TBC1D9: variants seen among roughly 807,000 people sequenced by gnomAD.
The protein encoded by TBC1D9 is TBC1 domain family member 9, also known as TBC1 domain family member 9A.
Under a neutral mutation model 132.0 loss-of-function variants are expected in TBC1D9, and 63 were observed. The observed-to-expected ratio is 0.48, with a 90% CI of 0.39 to 0.59. TBC1D9 has a LOEUF of 0.59. Ranked by LOEUF, TBC1D9 falls within the 20% of genes least tolerant of loss-of-function variation. TBC1D9 has a pLI of 0.00. For missense variants in TBC1D9, 1,261 were observed against 1,592.7 expected (o/e 0.79, Z 3.54); for synonymous variants, 610 against 609.9 (o/e 1.00, Z 0.00).
At chr4:140,720,574 C>CCAGT (rs1339266162) in intron 1 of TBC1D9, among the ~76,000 whole-genome samples, 19 of 152,214 alleles carry the variant, frequency 1.2e-4, no homozygotes, top group African/African-American at 4.3e-4. Context: ...ACTGTCCAAG[C>CCAGT]CAGTCTATTC....
In TBC1D9 at chr4:140,650,193, A is replaced by C. The variant is rs974345363; in HGVS notation, c.2337+6904T>G. ...CAGTATCACTATATTTTTACCTAGA[A>C]TTTATTTTGAAAGTTGCTGTAAAGC... On this transcript the variant is annotated intron_variant, in intron 13 of 20. Coordinates refer to ENST00000442267, the MANE Select transcript of TBC1D9 (RefSeq NM_015130.3). 2.0e-5 allele frequency among the ~76,000 whole-genome samples: 3 copies of C among 152,398 alleles called. No homozygotes were observed. In the South Asian group the frequency reaches 6.2e-4, roughly 32 times the overall value.
intron 20 of TBC1D9, 134 bp downstream of exon 20, chr4:140,623,982 C>T: frequency 1.4e-6 from 1 of 699,992 alleles, no homozygotes; most frequent in Non-Finnish European, 2.3e-6. Context: ...CAAAATAGGT[C>T]CAAATGGATA....
intron 10 of TBC1D9, among the ~76,000 whole-genome samples, 177 bp from the exon 11 acceptor site, chr4:140,659,882 G>C (rs1737330358): frequency 6.6e-6 from 1 of 152,164 alleles, no homozygotes; most frequent in African/African-American, 2.4e-5. Context: ...ATATTCTTCT[G>C]AGTTTTGTTT....
At chr4:140,728,617 G>A (rs1201374829) in intron 1 of TBC1D9, among the ~76,000 whole-genome samples, 2 of 151,080 alleles carry the variant, frequency 1.3e-5, no homozygotes, top group African/African-American at 2.4e-5. Context: ...CCTCAGCCTC[G>A]CGAGTAGCTG....
chr4:140,664,776 A>G (rs796471402), intron 9 of TBC1D9, among the ~76,000 whole-genome samples: 23 of 152,296 alleles, frequency 1.5e-4, no homozygotes, highest in African/African-American at 4.8e-4. Flanking sequence ...TACGGAAAAG[A>G]ATGAATTAGA....
At chr4:140,738,309 C>T (rs1738707441) in intron 1 of TBC1D9, among the ~76,000 whole-genome samples, 1 of 152,164 alleles carries the variant, frequency 6.6e-6, no homozygotes, top group Non-Finnish European at 1.5e-5. Flanking sequence ...CTTACTTTAT[C>T]TTATGTAAAA....
At chr4:140,753,795 C>T (rs1427923319) in intron 1 of TBC1D9, among the ~76,000 whole-genome samples, 1 of 152,110 alleles carries the variant, frequency 6.6e-6, no homozygotes, top group Non-Finnish European at 1.5e-5. Flanking sequence ...AAGTTGCCAA[C>T]AAATATTTGT....
intron 1 of TBC1D9, among the ~76,000 whole-genome samples, chr4:140,728,963 C>A (rs1214845158): frequency 2.6e-5 from 4 of 152,196 alleles, no homozygotes; most frequent in Non-Finnish European, 5.9e-5. Context: ...TGGACCAGGT[C>A]GAAATCTACT....
chr4:140,661,115 C>T (rs904194750), intron 10 of TBC1D9, among the ~76,000 whole-genome samples: 18 of 152,076 alleles, frequency 1.2e-4, no homozygotes, highest in Admixed American at 2.6e-4. Flanking sequence ...GGTGTTTCAC[C>T]GTGTTAGCCA....
chr4:140,668,929 G>A lies in TBC1D9; in HGVS notation c.1576C>T (p.Leu526=), dbSNP rs745965221. The A allele has an allele frequency of 6.2e-7, 1 of 1,613,856 alleles. No homozygotes were observed. The highest frequency in any genetic ancestry group is 2.2e-5 in the East Asian group (1 of 44,878). Residue 526 remains leucine (L), a synonymous_variant, in exon 9 of 21, where the codon CTG becomes TTG. Coordinates refer to ENST00000442267, the MANE Select transcript of TBC1D9 (RefSeq NM_015130.3). ...IPESMRGELW[L]LLSGAINEKA... ...CCAGCGGCCGTACCTGACAGCAGCA[G>A]CCAGAGCTCCCCACGCATGCTCTCC... is the stretch of plus-strand genomic sequence containing the variant.
intron 16 of TBC1D9, among the ~76,000 whole-genome samples, chr4:140,631,587 AT>A (rs958795265): frequency 2.2e-5 from 3 of 133,962 alleles, no homozygotes; most frequent in Non-Finnish European, 4.7e-5. Flanking sequence ...TTCAGAATTC[AT>A]TTTTTAGTTT....
At chr4:140,632,259 A>C (rs1445854066) in intron 16 of TBC1D9, among the ~76,000 whole-genome samples, 1 of 66,294 alleles carries the variant, frequency 1.5e-5, no homozygotes. Context: ...TTTTTGCCCA[A>C]AGGTTTTTTT....
chr4:140,743,015 G>A (rs1224656219), intron 1 of TBC1D9, among the ~76,000 whole-genome samples: 3 of 151,766 alleles, frequency 2.0e-5, no homozygotes, highest in Non-Finnish European at 2.9e-5. Flanking sequence ...GAGAAAGGAA[G>A]GGATGGAGGG....
chr4:140,631,155 ACTCT>A (rs1417451282), intron 16 of TBC1D9, among the ~76,000 whole-genome samples: 6 of 152,142 alleles, frequency 3.9e-5, no homozygotes, highest in African/African-American at 7.2e-5. Context: ...ATGTTTATAA[ACTCT>A]AAGTTTCAGC....
rs1382500714 is a variant in TBC1D9, at chr4:140,709,248, T to TCTCTCTCTCTCACACACA, written c.131-7635_131-7634insTGTGTGTGAGAGAGAGAG. On this transcript the variant is annotated intron_variant, in intron 1 of 20. Transcript: ENST00000442267. ...CTCTCTCTCTCTCTCTCTCTCTCTCTCACACACACACACACACACACACAC... is the reference window on the plus strand; with the variant it reads ...CTCTCTCTCTCTCTCTCTCTCTCTCTCTCTCTCTCTCACACACACACACACACACACACACACACACAC... Among the ~76,000 whole-genome samples the TCTCTCTCTCTCACACACA allele has an allele frequency of 2.4e-3, 254 of 104,170 alleles. 4 individuals are homozygous for TCTCTCTCTCTCACACACA. Among genetic ancestry groups the TCTCTCTCTCTCACACACA allele is most frequent in the African/African-American group, 0.011 (241 of 22,670 alleles). The allele number at this position is 104,170 out of a possible 152,430, so 68.3% of individuals were successfully genotyped here. A position where few individuals can be genotyped will look rare whatever the true frequency, so the allele number is the denominator to read the frequency against.
At chr4:140,749,354 TAAAAAG>T (rs1738887204) in intron 1 of TBC1D9, among the ~76,000 whole-genome samples, 18 of 152,036 alleles carry the variant, frequency 1.2e-4, no homozygotes. Flanking sequence ...AAGTGTAACT[TAAAAAG>T]AATTATTCCC....
intron 15 of TBC1D9, 55 bp downstream of exon 15, chr4:140,639,031 T>G: frequency 7.9e-7 from 1 of 1,268,550 alleles, no homozygotes; most frequent in Non-Finnish European, 1.1e-6. Flanking sequence ...AACTGAATTA[T>G]TAAGGTGAAC....
chr4:140,642,351 G>C (rs1737016258), intron 13 of TBC1D9: 1 of 822,286 alleles, frequency 1.2e-6, no homozygotes, highest in Admixed American at 2.0e-5. Context: ...GGCTTTGGCG[G>C]CCCTTTTGTG....
intron 9 of TBC1D9, among the ~76,000 whole-genome samples, chr4:140,667,162 C>T (rs1390592600): frequency 6.6e-6 from 1 of 152,186 alleles, no homozygotes; most frequent in African/African-American, 2.4e-5. Flanking sequence ...TCATGATAGG[C>T]TGGCCTTCAG....
Sources: gnomAD v4.1 joint callset for allele counts (sites outside exome capture counted in the v4.1 genomes callset) on GRCh38, gnomAD v4.1.1 for gene constraint, MANE v1.5 for transcripts, NCBI Gene and HGNC (gene_info 2026-07-23, HGNC 2026-07-21) for gene names.